The following KLF8 variants were observed in gnomAD, a reference collection of about 807,000 sequenced individuals.
KLF8 encodes KLF transcription factor 8.
Under a neutral mutation model 18.2 loss-of-function variants are expected in KLF8, and 10 were observed. That is an observed-to-expected ratio of 0.55 (90% CI 0.34 to 0.93). The LOEUF is 0.93. KLF8 is among the 40% of genes least tolerant of loss of function. KLF8 has a pLI of 0.02. For synonymous variants in KLF8, 109 were observed against 97.3 expected, an observed-to-expected ratio of 1.12 and a Z score of -0.71; for missense variants, 264 against 277.9, an observed-to-expected ratio of 0.95 and a Z score of 0.36.
At chrX:56,083,811 C>T in the KLF8 span, among the ~76,000 whole-genome samples, 1 of 111,314 alleles carries the variant, frequency 9.0e-6, no homozygotes, top group Admixed American at 9.6e-5. Context: ...TGTGAGGGAT[C>T]TATGTTGCAG....
chrX:56,010,153 T>A, the KLF8 span, among the ~76,000 whole-genome samples: 1 of 110,866 alleles, frequency 9.0e-6, no homozygotes, highest in Non-Finnish European at 1.9e-5. Context: ...CCAAGACACA[T>A]AATCATCAGA....
At position 56,272,906 on chromosome X, in the gene KLF8, C is replaced by T. The variant is rs143602152; in HGVS notation, c.898+2585C>T. On this transcript the variant is annotated intron_variant, in intron 5 of 5. Transcript: ENST00000468660. Reference sequence around the variant, plus strand: ...AAATAGAGTATCCTAAAAGGCCCTACAGGATCTTGCCTCTTATTAATTTTA... The same window carrying T: ...AAATAGAGTATCCTAAAAGGCCCTATAGGATCTTGCCTCTTATTAATTTTA... Among the ~76,000 whole-genome samples the T allele has an allele frequency of 4.6e-3, 514 of 111,365 alleles. 1 individual carries two copies. The highest frequency in any genetic ancestry group is 0.016 in the African/African-American group (488 of 30,691).
the KLF8 span, among the ~76,000 whole-genome samples, chrX:55,971,029 C>T: frequency 1.8e-5 from 2 of 111,273 alleles, no homozygotes; most frequent in South Asian, 3.7e-4. Context: ...TACGAAAATG[C>T]TAATGACATT....
intron 4 of KLF8, 58 bp downstream of exon 4, chrX:56,269,547 G>A (rs867869071): frequency 1.1e-6 from 1 of 945,761 alleles, no homozygotes; most frequent in Non-Finnish European, 1.4e-6. Context: ...GTGTGTGTGT[G>A]TACATTTGCA....
the KLF8 span, among the ~76,000 whole-genome samples, chrX:56,044,336 G>A: frequency 1.8e-5 from 2 of 112,199 alleles, no homozygotes; most frequent in African/African-American, 3.2e-5. Context: ...GGGAGACAAA[G>A]TGTGTTGTGT....
At chrX:55,948,533 A>G in the KLF8 span, among the ~76,000 whole-genome samples, 1 of 112,189 alleles carries the variant, frequency 8.9e-6, no homozygotes, top group East Asian at 2.8e-4. Context: ...ATATCATACC[A>G]TATATAGCAT....
At chrX:55,914,276 T>C in the KLF8 span, among the ~76,000 whole-genome samples, 1 of 111,972 alleles carries the variant, frequency 8.9e-6, no homozygotes, top group Non-Finnish European at 1.9e-5. Flanking sequence ...CATTTATTTG[T>C]TCAATATATA....
At chrX:56,045,110 C>T in the KLF8 span, among the ~76,000 whole-genome samples, 2 of 111,862 alleles carry the variant, frequency 1.8e-5, no homozygotes, top group African/African-American at 3.2e-5. Context: ...CGTTCATCTA[C>T]GTATGGCTTG....
At chrX:56,167,496 C>A in the KLF8 span, among the ~76,000 whole-genome samples, 1 of 112,073 alleles carries the variant, frequency 8.9e-6, no homozygotes, top group African/African-American at 3.2e-5. Flanking sequence ...AATGGATTAA[C>A]TCTACCGTAT....
Position 56,270,381 on chromosome X carries a change from C to CACACACACACGAGAGAGA in KLF8, c.898+60_898+61insACACACACACGAGAGAGA, listed in dbSNP as rs1355621837. ...ACACACACACACACACACACACACA[C>CACACACACACGAGAGAGA]GAGAGAGAGAGAGAGAGAGGGGCAG... On this transcript the variant is annotated intron_variant, in intron 5 of 5. Transcript: ENST00000468660. The CACACACACACGAGAGAGA allele has an allele frequency of 2.8e-4, 215 of 778,096 alleles. No homozygotes were observed. The African/African-American group carries it at 0.011, about 40-fold the overall frequency. 64.1% of individuals were successfully genotyped at this position (778,096 alleles called of 1,213,427 possible). A position where few individuals can be genotyped will look rare whatever the true frequency, so the allele number is the denominator to read the frequency against.
chrX:56,257,947 A>C (rs1005467656), intron 2 of KLF8, among the ~76,000 whole-genome samples: 2 of 112,279 alleles, frequency 1.8e-5, no homozygotes, highest in Admixed American at 1.9e-4. Context: ...CAGTTTTAAA[A>C]ATTGTTCTCA....
chrX:56,105,614 A>C, the KLF8 span, among the ~76,000 whole-genome samples: 56 of 106,834 alleles, frequency 5.2e-4, no homozygotes, highest in Non-Finnish European at 1.9e-4. Flanking sequence ...TCTGCATGCG[A>C]GATGGGTCTC....
chrX:55,986,653 G>GT, the KLF8 span, among the ~76,000 whole-genome samples: 8 of 111,927 alleles, frequency 7.1e-5, no homozygotes, highest in East Asian at 1.7e-3. Context: ...TTTGAGAAAT[G>GT]TTTTTTCACG....
At chrX:55,970,345 G>A in the KLF8 span, among the ~76,000 whole-genome samples, 1 of 110,839 alleles carries the variant, frequency 9.0e-6, no homozygotes, top group East Asian at 2.8e-4. Flanking sequence ...CTCAATTGAT[G>A]CTGAAAAAAA....
chrX:56,107,881 C>A, the KLF8 span, among the ~76,000 whole-genome samples: 8 of 112,082 alleles, frequency 7.1e-5, no homozygotes, highest in Non-Finnish European at 1.1e-4. Context: ...TCTTTAATTT[C>A]TTTTAGCAAT....
the KLF8 span, among the ~76,000 whole-genome samples, chrX:56,038,660 T>C: frequency 8.9e-6 from 1 of 112,459 alleles, no homozygotes; most frequent in Non-Finnish European, 1.9e-5. Context: ...CTATTATTAA[T>C]AGTGCTGCAA....
At chrX:56,017,339 T>C in the KLF8 span, among the ~76,000 whole-genome samples, 1 of 112,285 alleles carries the variant, frequency 8.9e-6, no homozygotes, top group Admixed American at 9.4e-5. Context: ...GCCTAGAACA[T>C]GGCCTCCTTG....
the KLF8 span, among the ~76,000 whole-genome samples, chrX:56,003,585 A>G: frequency 1.8e-5 from 2 of 111,717 alleles, no homozygotes; most frequent in African/African-American, 6.5e-5. Context: ...ATGTGAAACA[A>G]CTAAAGGACA....
chrX:55,948,799 C>G, the KLF8 span, among the ~76,000 whole-genome samples: 8 of 111,698 alleles, frequency 7.2e-5, no homozygotes, highest in African/African-American at 1.6e-4. Flanking sequence ...AGTCCTAGCT[C>G]TTACTCTTCC....
Sources: allele counts gnomAD v4.1 joint callset (sites outside exome capture counted in the v4.1 genomes callset), GRCh38; gene constraint gnomAD v4.1.1; transcripts MANE v1.5; gene names NCBI Gene and HGNC (gene_info 2026-07-23, HGNC 2026-07-21).